ROR2: variants seen among roughly 807,000 people sequenced by gnomAD.
The protein encoded by ROR2 is tyrosine-protein kinase transmembrane receptor ROR2.
ROR2 carries 33 observed loss-of-function variants against 74.9 expected under a neutral mutation model. The ratio of observed to expected loss-of-function variants is 0.44; its 90% CI spans 0.33 to 0.59. The LOEUF (loss-of-function observed/expected upper bound fraction) is 0.59, where lower values mean the gene tolerates loss of function less well. Among genes scored for constraint, ROR2 ranks in the 20% least tolerant of loss-of-function variants. ROR2 has a pLI of 0.02. For synonymous variants in ROR2, 586 were observed against 558.7 expected (o/e 1.05, Z -0.69); for missense variants, 1,216 against 1,313.8 (o/e 0.93, Z 1.15).
chr9:91,800,027 T>C (rs1827320846), intron 1 of ROR2, among the ~76,000 whole-genome samples: 1 of 152,190 alleles, frequency 6.6e-6, no homozygotes, highest in Admixed American at 6.6e-5. Flanking sequence ...TGTTCATTCA[T>C]AACTCATCAG....
chr9:91,882,039 G>A (rs1030126487), intron 1 of ROR2, among the ~76,000 whole-genome samples: 1 of 152,144 alleles, frequency 6.6e-6, no homozygotes, highest in Non-Finnish European at 1.5e-5. Flanking sequence ...AGCCTGAGGA[G>A]CCTACAATTA....
rs145481987 is a variant in ROR2, at chr9:91,839,576, G to A, written c.98-63758C>T. Among the ~76,000 whole-genome samples the A allele has an allele frequency of 1.3e-4, 20 of 151,692 alleles. No homozygotes were observed. The East Asian group carries it at 3.9e-3, about 29-fold the overall frequency. On this transcript the variant is annotated intron_variant, in intron 1 of 8. Transcript: ENST00000375708. The stretch of plus-strand genomic sequence containing the variant: ...GTGTCTGGTATATGAATGTGAGGGA[G>A]TGTGTTTGTGTGTTTCTTTGAGTTT...
At chr9:91,766,119 G>A (rs10992085) in intron 2 of ROR2, among the ~76,000 whole-genome samples, 26,927 of 152,172 alleles carry the variant, frequency 0.18, 2,541 homozygotes, top group South Asian at 0.26. Context: ...CTGTGTCCAC[G>A]TCTTGGTGCC....
chr9:91,900,397 G>A (rs908751891), intron 1 of ROR2, among the ~76,000 whole-genome samples: 4 of 152,254 alleles, frequency 2.6e-5, no homozygotes, highest in African/African-American at 4.8e-5. Context: ...CGACCCTGGC[G>A]CAGGCCCCCC....
chr9:91,818,777 A>G (rs1828032072), intron 1 of ROR2, among the ~76,000 whole-genome samples: 1 of 152,136 alleles, frequency 6.6e-6, no homozygotes, highest in Non-Finnish European at 1.5e-5. Context: ...AATGGCGTGG[A>G]GAACAGCCCA....
chr9:91,914,173 G>A (rs1831064665), intron 1 of ROR2, among the ~76,000 whole-genome samples: 1 of 152,110 alleles, frequency 6.6e-6, no homozygotes, highest in Non-Finnish European at 1.5e-5. Flanking sequence ...CTGTGTGTAA[G>A]CTAAGAACTC....
At chr9:91,745,426 A>ATT (rs72432798) in intron 4 of ROR2, among the ~76,000 whole-genome samples, 2,327 of 99,666 alleles carry the variant, frequency 0.023, 126 homozygotes, top group African/African-American at 0.045. Flanking sequence ...TGCCCAGCCT[A>ATT]TTTTTTTTTT....
intron 1 of ROR2, among the ~76,000 whole-genome samples, chr9:91,920,493 C>G (rs1276637189): frequency 6.6e-6 from 1 of 152,162 alleles, no homozygotes; most frequent in East Asian, 1.9e-4. Flanking sequence ...GTAACAGAAC[C>G]AGACCCTGTC....
rs1827849431 is a variant in ROR2 at position 91,814,243 on chromosome 9, A to C, written c.98-38425T>G. Among the ~76,000 whole-genome samples the C allele has an allele frequency of 2.6e-5, 4 of 152,344 alleles. No homozygotes were observed. In the South Asian group the frequency reaches 8.3e-4, roughly 32 times the overall value. On this transcript the variant is annotated intron_variant, in intron 1 of 8. Transcript: ENST00000375708. The stretch of plus-strand genomic sequence containing the variant: ...AGGAGAATGTTTGAGGAAAAAAATC[A>C]AAGTGAAAGAAACCTTGATCTATTT...
At chr9:91,873,915 CCT>C (rs1387254304) in intron 1 of ROR2, among the ~76,000 whole-genome samples, 1 of 152,176 alleles carries the variant, frequency 6.6e-6, no homozygotes, top group Non-Finnish European at 1.5e-5. Flanking sequence ...TTTCGCTTCT[CCT>C]CAGAGATAAA....
intron 2 of ROR2, among the ~76,000 whole-genome samples, chr9:91,766,135 T>G (rs1343908684): frequency 6.6e-6 from 1 of 152,254 alleles, no homozygotes; most frequent in Non-Finnish European, 1.5e-5. Flanking sequence ...GTGCCCTCTC[T>G]GCTCTGTGGC....
rs144335573 is a variant in ROR2, at chr9:91,767,263, C to T, written c.175+8478G>A. ...CTAATTTTTGTGTTTTTAATAGAGA[C>T]GGGGTTTCACTATGTTGGCCATGAT... On this transcript the variant is annotated intron_variant, in intron 2 of 8. Transcript: ENST00000375708. Among the ~76,000 whole-genome samples the T allele has an allele frequency of 4.6e-5, 7 of 152,110 alleles. No homozygotes were observed. In the South Asian group the frequency reaches 8.3e-4, roughly 18 times the overall value.
intron 1 of ROR2, among the ~76,000 whole-genome samples, chr9:91,947,964 C>T (rs931706293): frequency 3.3e-5 from 5 of 151,936 alleles, no homozygotes; most frequent in Admixed American, 3.3e-4. Flanking sequence ...GAATTATATC[C>T]TATGCCCTCT....
chr9:91,728,863 G>A (rs768155364), intron 7 of ROR2, among the ~76,000 whole-genome samples: 4 of 152,164 alleles, frequency 2.6e-5, no homozygotes, highest in Non-Finnish European at 4.4e-5. Context: ...ACAGCTGCAT[G>A]CCACTCCACA....
At chr9:91,775,258 G>A (rs1428754936) in intron 2 of ROR2, among the ~76,000 whole-genome samples, 2 of 152,166 alleles carry the variant, frequency 1.3e-5, no homozygotes, top group Non-Finnish European at 2.9e-5. Context: ...GTCTGCATCC[G>A]GGGGAAACTT....
At chr9:91,862,354 G>GAGCAGGAGC (rs1266939350) in intron 1 of ROR2, among the ~76,000 whole-genome samples, 2 of 151,688 alleles carry the variant, frequency 1.3e-5, no homozygotes, top group South Asian at 2.1e-4. Flanking sequence ...GGAGGAGGAG[G>GAGCAGGAGC]AGCAGGAGCA....
At chr9:91,924,442 A>G (rs1291117138) in intron 1 of ROR2, among the ~76,000 whole-genome samples, 2 of 152,218 alleles carry the variant, frequency 1.3e-5, no homozygotes, top group African/African-American at 2.4e-5. Context: ...AATCACAGCC[A>G]GTGGATCTCA....
At chr9:91,847,102 A>T (rs909135892) in intron 1 of ROR2, among the ~76,000 whole-genome samples, 3 of 152,166 alleles carry the variant, frequency 2.0e-5, no homozygotes, top group African/African-American at 7.2e-5. Flanking sequence ...ATGGAGGATG[A>T]CTACAAGGAG....
chr9:91,854,397 G>A (rs1829211266), intron 1 of ROR2, among the ~76,000 whole-genome samples: 1 of 152,176 alleles, frequency 6.6e-6, no homozygotes, highest in Non-Finnish European at 1.5e-5. Flanking sequence ...AGACTTGACT[G>A]GCATGGTCTT....
Sources: allele counts gnomAD v4.1 joint callset (sites outside exome capture counted in the v4.1 genomes callset), GRCh38; gene constraint gnomAD v4.1.1; transcripts MANE v1.5; gene names NCBI Gene and HGNC (gene_info 2026-07-23, HGNC 2026-07-21).